Variants in FBXL2 observed in about 807,000 individuals in gnomAD.
FBXL2 encodes the protein F-box and leucine rich repeat protein 2, also known as F-box/LRR-repeat protein 2.
Under a neutral mutation model 69.2 loss-of-function variants are expected in FBXL2, and 38 were observed. That is an observed-to-expected ratio of 0.55 (90% CI 0.42 to 0.72). The LOEUF (loss-of-function observed/expected upper bound fraction) is 0.72, where lower values mean the gene tolerates loss of function less well. Among genes scored for constraint, FBXL2 ranks in the 30% least tolerant of loss-of-function variants. The probability of loss-of-function intolerance (pLI) is 0.00; values close to 1 mark genes in which losing one functional copy is unlikely to be tolerated. For missense variants in FBXL2, 354 were observed against 520.3 expected, an observed-to-expected ratio of 0.68 and a Z score of 3.11; for synonymous variants, 192 against 201.3, an observed-to-expected ratio of 0.95 and a Z score of 0.39.
downstream of FBXL2, among the ~76,000 whole-genome samples, chr3:33,404,160 C>T (rs2044349732): frequency 6.6e-6 from 1 of 152,106 alleles, no homozygotes; most frequent in African/African-American, 2.4e-5. Context: ...CGCCTGTAAT[C>T]CCAGCACTCT....
chr3:33,405,798 C>T (rs1368192381), downstream of FBXL2, among the ~76,000 whole-genome samples: 1 of 152,124 alleles, frequency 6.6e-6, no homozygotes, highest in Non-Finnish European at 1.5e-5. Context: ...AGGTAAGTGT[C>T]AAGACCACTG....
rs1270109592 is a variant in FBXL2, at chr3:33,385,671, CT to C, written c.*64del. The C allele has an allele frequency of 7.9e-7, 1 of 1,269,484 alleles. No homozygotes were observed. The highest frequency in any genetic ancestry group is 1.7e-5 in the Admixed American group (1 of 57,812). The allele number at this position is 1,269,484 out of a possible 1,614,324, so 78.6% of individuals were successfully genotyped here. ...TTTCCTCTAGAAGACCTGAGTCTTC[CT>C]GACCGACTCCACCATCACCCAATCT... On this transcript the variant is annotated 3_prime_UTR_variant, in exon 15 of 15. Transcript: ENST00000484457.
At chr3:33,383,615 T>G (rs2043204974) in intron 13 of FBXL2, 1 of 234,726 alleles carries the variant, frequency 4.3e-6, no homozygotes, top group Non-Finnish European at 8.5e-6. Context: ...CCAATAAAAC[T>G]GCTCTCAAGG....
intron 2 of FBXL2, among the ~76,000 whole-genome samples, chr3:33,344,070 T>A (rs2040263757): frequency 6.8e-6 from 1 of 147,480 alleles, no homozygotes; most frequent in African/African-American, 2.5e-5. Context: ...CAGTTTCAAT[T>A]AATAGGAAAA....
chr3:33,334,075 G>T (rs980617337), intron 2 of FBXL2, among the ~76,000 whole-genome samples: 6 of 152,132 alleles, frequency 3.9e-5, no homozygotes, highest in African/African-American at 9.7e-5. Flanking sequence ...AGAGGGAAGG[G>T]CTTGTACTCT....
chr3:33,371,166 ATTT>A (rs56918562), intron 5 of FBXL2, among the ~76,000 whole-genome samples: 2 of 130,710 alleles, frequency 1.5e-5, no homozygotes, highest in Admixed American at 8.0e-5. Context: ...TGTGGTTTTC[ATTT>A]TTTTTTTTTT....
At chr3:33,361,098 A>ATTTTTTTTTT (rs58660334) in intron 4 of FBXL2, among the ~76,000 whole-genome samples, 5 of 116,340 alleles carry the variant, frequency 4.3e-5, no homozygotes, top group Non-Finnish European at 5.2e-5. Flanking sequence ...CGCCCGGCTA[A>ATTTTTTTTTT]TTTTTTTTTT....
At chr3:33,281,461 T>G (rs888718873) in intron 1 of FBXL2, among the ~76,000 whole-genome samples, 11 of 152,198 alleles carry the variant, frequency 7.2e-5, no homozygotes, top group African/African-American at 2.7e-4. Flanking sequence ...ACATTTGGGT[T>G]GGTTCCAAGT....
chr3:33,277,176 CGTT>C, upstream of FBXL2: 1 of 260,518 alleles, frequency 3.8e-6, no homozygotes, highest in East Asian at 6.2e-5. Context: ...ACCTGTATAA[CGTT>C]TTTTTTAAAA....
chr3:33,292,294 C>G (rs983965580), intron 1 of FBXL2, among the ~76,000 whole-genome samples: 1 of 152,020 alleles, frequency 6.6e-6, no homozygotes, highest in Admixed American at 6.6e-5. Context: ...GTGGGAGGAT[C>G]ATTGAGCCTG....
At chr3:33,379,176 A>G (rs1269322627) in intron 13 of FBXL2, among the ~76,000 whole-genome samples, 2 of 151,890 alleles carry the variant, frequency 1.3e-5, no homozygotes, top group African/African-American at 2.4e-5. Context: ...TAATTTTTGT[A>G]TTTTTAGTAG....
chr3:33,351,958 C>G (rs866925494), intron 2 of FBXL2, among the ~76,000 whole-genome samples: 72 of 133,820 alleles, frequency 5.4e-4, no homozygotes, highest in African/African-American at 1.8e-3. Context: ...GGACCCCCAT[C>G]ACTTAAAAAA....
At chr3:33,333,773 C>T (rs555767788) in intron 2 of FBXL2, among the ~76,000 whole-genome samples, 1 of 152,294 alleles carries the variant, frequency 6.6e-6, no homozygotes, top group Admixed American at 6.5e-5. Flanking sequence ...CCCCACCCCA[C>T]CAACCCATAG....
Position 33,335,240 on chromosome 3 carries a change from CA to C in FBXL2, c.66-23726del, listed in dbSNP as rs2125838147. ...GAAAAAAAAAACTGAGAGGATTCAT[CA>C]CTAACATTTCCACAACTAAGAAATA... On this transcript the variant is annotated intron_variant, in intron 2 of 14. Transcript: ENST00000484457. Among the ~76,000 whole-genome samples, 3 of 151,206 alleles carry C rather than the reference CA, an allele frequency of 2.0e-5. No individual in the cohort carries two copies. In the South Asian group the frequency reaches 6.3e-4, roughly 32 times the overall value.
chr3:33,421,473 T>A, the FBXL2 span, among the ~76,000 whole-genome samples: 1 of 152,210 alleles, frequency 6.6e-6, no homozygotes, highest in Non-Finnish European at 1.5e-5. Flanking sequence ...TTTCACCACA[T>A]TGGCCAGGCT....
At chr3:33,337,612 C>T (rs887699068) in intron 2 of FBXL2, among the ~76,000 whole-genome samples, 1 of 152,044 alleles carries the variant, frequency 6.6e-6, no homozygotes, top group African/African-American at 2.4e-5. Context: ...AAGTTCTAGC[C>T]ATAGCAATCA....
At chr3:33,356,593 C>T (rs2041221349) in intron 2 of FBXL2, among the ~76,000 whole-genome samples, 1 of 152,008 alleles carries the variant, frequency 6.6e-6, no homozygotes, top group Admixed American at 6.6e-5. Flanking sequence ...TGTGGTCCAC[C>T]CGCCTCAGCC....
chr3:33,410,999 G>A, the FBXL2 span, among the ~76,000 whole-genome samples: 1 of 151,756 alleles, frequency 6.6e-6, no homozygotes, highest in Admixed American at 6.6e-5. Flanking sequence ...CTTGAATCTG[G>A]GAGGCGGAGA....
intron 1 of FBXL2, among the ~76,000 whole-genome samples, chr3:33,296,225 C>T (rs543212538): frequency 2.0e-5 from 3 of 152,174 alleles, no homozygotes; most frequent in African/African-American, 7.2e-5. Context: ...ACCATCATGC[C>T]CTGCTAATTT....
Sources: allele counts gnomAD v4.1 joint callset (sites outside exome capture counted in the v4.1 genomes callset), GRCh38; gene constraint gnomAD v4.1.1; transcripts MANE v1.5; gene names NCBI Gene and HGNC (gene_info 2026-07-23, HGNC 2026-07-21).